ARHGAP15: variants seen among roughly 807,000 people sequenced by gnomAD.
The protein encoded by ARHGAP15 is Rho GTPase activating protein 15.
In ARHGAP15, 51 loss-of-function variants were observed where a neutral mutation model predicts 63.7. The ratio of observed to expected loss-of-function variants is 0.80; its 90% confidence interval spans 0.64 to 1.01. The LOEUF (loss-of-function observed/expected upper bound fraction) is 1.01. ARHGAP15 is among the 50% of genes least tolerant of loss of function. ARHGAP15 has a pLI of 0.00. For missense variants in ARHGAP15, 560 were observed against 564.6 expected, an observed-to-expected ratio of 0.99 and a Z score of 0.08; for synonymous variants, 191 against 193.8, an observed-to-expected ratio of 0.99 and a Z score of 0.12.
chr2:143,462,794 G>T lies in ARHGAP15; in HGVS notation c.704-24579G>T, dbSNP rs544572289. ...AGTAAGATGGATGGATGGATGGATG[G>T]ATGGATGGACAGACGGACAGACAGA... On this transcript the variant is annotated intron_variant, in intron 8 of 13. Transcript: ENST00000295095. Among the ~76,000 whole-genome samples the T allele has an allele frequency of 2.0e-5, 3 of 152,314 alleles. No individual in the cohort carries two copies. The South Asian group carries it at 6.2e-4, about 32-fold the overall frequency.
chr2:143,747,997 A>G (rs1419985841), intron 13 of ARHGAP15, among the ~76,000 whole-genome samples: 1 of 152,220 alleles, frequency 6.6e-6, no homozygotes, highest in Non-Finnish European at 1.5e-5. Flanking sequence ...ATCAAAGTCC[A>G]CTTCACCTTC....
At chr2:143,673,784 A>ATGT (rs71404481) in intron 12 of ARHGAP15, among the ~76,000 whole-genome samples, 3 of 114,184 alleles carry the variant, frequency 2.6e-5, no homozygotes, top group African/African-American at 8.6e-5. Context: ...ATATATATAT[A>ATGT]AACAACTCCT....
At chr2:143,378,332 CTT>C (rs955630298) in intron 6 of ARHGAP15, among the ~76,000 whole-genome samples, 5 of 152,018 alleles carry the variant, frequency 3.3e-5, no homozygotes, top group African/African-American at 1.2e-4. Context: ...ACTTCTAAAA[CTT>C]TAAGAAATAA....
intron 6 of ARHGAP15, among the ~76,000 whole-genome samples, chr2:143,268,387 G>C (rs1300738931): frequency 6.6e-6 from 1 of 152,024 alleles, no homozygotes; most frequent in Non-Finnish European, 1.5e-5. Flanking sequence ...GAAAAATTCT[G>C]TCAAACAATT....
chr2:143,598,506 G>C (rs1327633343), intron 11 of ARHGAP15, among the ~76,000 whole-genome samples: 1 of 152,148 alleles, frequency 6.6e-6, no homozygotes, highest in Non-Finnish European at 1.5e-5. Context: ...TGAGTAGCTG[G>C]CTTGGGGTAG....
At chr2:143,206,924 G>A (rs1692351950) in intron 3 of ARHGAP15, among the ~76,000 whole-genome samples, 1 of 151,794 alleles carries the variant, frequency 6.6e-6, no homozygotes, top group South Asian at 2.1e-4. Context: ...GTCTGTGTTT[G>A]TGTGTGTGTC....
Position 143,519,290 on chromosome 2 carries a change from A to G in ARHGAP15, c.851A>G (p.His284Arg). 2 of 1,613,266 alleles carry G rather than the reference A, an allele frequency of 1.2e-6. No homozygotes were observed. Among genetic ancestry groups the G allele is most frequent in the Non-Finnish European group, 1.7e-6 (2 of 1,179,348 alleles). The change falls in exon 10 of 14, where the codon CAC becomes CGC. Residue 284 changes from histidine to arginine, a missense_variant. Transcript: ENST00000295095. ...GATCAAATTTTTGGCTCTCATCTGC[A>G]CAAAGTGTGTGAACGTGAAAATTCC... ...IKDQIFGSHL[H>R]KVCERENSTV...
At chr2:143,743,619 C>G (rs965064877) in intron 13 of ARHGAP15, among the ~76,000 whole-genome samples, 8 of 152,158 alleles carry the variant, frequency 5.3e-5, no homozygotes, top group African/African-American at 1.9e-4. Flanking sequence ...CTAGGTTGTA[C>G]CTGGTCTGTC....
At chr2:143,257,627 T>C (rs559399227) in intron 6 of ARHGAP15, among the ~76,000 whole-genome samples, 2 of 152,162 alleles carry the variant, frequency 1.3e-5, no homozygotes. Context: ...ATGGAACATA[T>C]TCTGTTTCTT....
At chr2:143,677,599 C>T (rs1682890153) in intron 12 of ARHGAP15, among the ~76,000 whole-genome samples, 1 of 152,094 alleles carries the variant, frequency 6.6e-6, no homozygotes, top group Non-Finnish European at 1.5e-5. Context: ...AGATCAAGTA[C>T]TTGTTGAAAG....
Position 143,202,174 on chromosome 2 carries a change from A to C in ARHGAP15, c.206A>C (p.Lys69Thr), listed in dbSNP as rs1692146416. 1 of 1,612,220 alleles carries C rather than the reference A, an allele frequency of 6.2e-7. No homozygotes were observed. Among genetic ancestry groups the C allele is most frequent in the Non-Finnish European group, 8.5e-7 (1 of 1,178,592 alleles). Residue 69 changes from lysine to threonine, a missense_variant, in exon 3 of 14, where the codon AAA becomes ACA. Coordinates refer to ENST00000295095, the MANE Select transcript of ARHGAP15 (RefSeq NM_018460.4). ...AGGAATCATTCACAGCATATCTTGA[A>C]AGATGTCATTCCTCCATTGGAACAA... is the stretch of plus-strand genomic sequence containing the variant. ...HRRNHSQHIL[K>T]DVIPPLEQLM...
At chr2:143,731,495 C>T (rs1411657758) in intron 13 of ARHGAP15, among the ~76,000 whole-genome samples, 1 of 152,214 alleles carries the variant, frequency 6.6e-6, no homozygotes, top group African/African-American at 2.4e-5. Flanking sequence ...CTAGGACTTT[C>T]TCCACACTCG....
intron 6 of ARHGAP15, among the ~76,000 whole-genome samples, chr2:143,316,009 C>G (rs1683687168): frequency 6.6e-6 from 1 of 152,054 alleles, no homozygotes; most frequent in Non-Finnish European, 1.5e-5. Flanking sequence ...TTGCTTGAAC[C>G]TGGGAGGTGG....
At chr2:143,213,925 T>G (rs181144766) in intron 3 of ARHGAP15, among the ~76,000 whole-genome samples, 95 of 152,354 alleles carry the variant, frequency 6.2e-4, no homozygotes, top group Non-Finnish European at 9.8e-4. Flanking sequence ...CAATCTCAAG[T>G]ATTCTGGGAA....
At chr2:143,400,711 T>TG (rs1361328966) in intron 6 of ARHGAP15, among the ~76,000 whole-genome samples, 1 of 151,952 alleles carries the variant, frequency 6.6e-6, no homozygotes, top group East Asian at 1.9e-4. Context: ...ATGGATAGGG[T>TG]GTTCCGTCCT....
intron 12 of ARHGAP15, among the ~76,000 whole-genome samples, chr2:143,625,892 G>A (rs1434892154): frequency 6.6e-6 from 1 of 152,072 alleles, no homozygotes; most frequent in African/African-American, 2.4e-5. Context: ...CTATTTGGGG[G>A]CTATAACTAG....
chr2:143,740,547 C>G (rs1685922336), intron 13 of ARHGAP15, among the ~76,000 whole-genome samples: 1 of 152,142 alleles, frequency 6.6e-6, no homozygotes, highest in Non-Finnish European at 1.5e-5. Context: ...CAATAAGAAG[C>G]AATATTCTCA....
intron 6 of ARHGAP15, among the ~76,000 whole-genome samples, chr2:143,418,422 A>G (rs969742807): frequency 2.6e-5 from 4 of 152,228 alleles, no homozygotes; most frequent in African/African-American, 9.6e-5. Flanking sequence ...ACTAAGAGAT[A>G]TAAATAAAAC....
At chr2:143,181,931 A>T (rs1691249930) in intron 2 of ARHGAP15, among the ~76,000 whole-genome samples, 1 of 141,706 alleles carries the variant, frequency 7.1e-6, no homozygotes, top group South Asian at 2.3e-4. Context: ...TAAACTTAAT[A>T]ATTTCTAGCT....
Sources: gnomAD v4.1 joint callset for allele counts (sites outside exome capture counted in the v4.1 genomes callset) on GRCh38, gnomAD v4.1.1 for gene constraint, MANE v1.5 for transcripts, NCBI Gene and HGNC (gene_info 2026-07-23, HGNC 2026-07-21) for gene names.